The following ZMYM4 variants were observed in gnomAD, a reference collection of about 807,000 sequenced individuals.
ZMYM4 encodes zinc finger MYM-type containing 4.
In ZMYM4, 31 loss-of-function variants were observed where a neutral mutation model predicts 183.2. That is an observed-to-expected ratio of 0.17 (90% CI 0.13 to 0.23). ZMYM4 has a LOEUF of 0.23. Among genes scored for constraint, ZMYM4 ranks in the 10% least tolerant of loss-of-function variants. ZMYM4 has a pLI of 1.00. For missense variants in ZMYM4, 1,273 were observed against 1,840.3 expected (o/e 0.69, Z 5.64); for synonymous variants, 592 against 631.2 (o/e 0.94, Z 0.93).
At chr1:35,341,913 T>C (rs879569484) in intron 2 of ZMYM4, among the ~76,000 whole-genome samples, 11 of 152,186 alleles carry the variant, frequency 7.2e-5, no homozygotes, top group Non-Finnish European at 1.3e-4. Context: ...ATAATATTCA[T>C]ATTTATATAT....
At position 35,269,031 on chromosome 1, in the gene ZMYM4, C is replaced by T. The variant is rs1639451321; in HGVS notation, c.-16C>T. 5 of 1,540,274 alleles carry T rather than the reference C, an allele frequency of 3.2e-6. No homozygotes were observed. The highest frequency in any genetic ancestry group is 3.5e-6 in the Non-Finnish European group (4 of 1,143,162). ...CACCGCGCGGGGAGCCGCAGCGGTT[C>T]CGAGCGGGGCCCAACATGGCGGAGA... On this transcript the variant is annotated 5_prime_UTR_variant, in exon 1 of 30. Coordinates refer to ENST00000314607, the MANE Select transcript of ZMYM4 (RefSeq NM_005095.3).
intron 2 of ZMYM4, among the ~76,000 whole-genome samples, chr1:35,332,205 A>G (rs557487421): frequency 6.6e-6 from 1 of 152,242 alleles, no homozygotes; most frequent in East Asian, 1.9e-4. Flanking sequence ...TGACATTGTT[A>G]ATCACTAGTG....
intron 7 of ZMYM4, among the ~76,000 whole-genome samples, chr1:35,374,052 CAA>C (rs1280505244): frequency 3.2e-5 from 2 of 62,270 alleles, no homozygotes; most frequent in African/African-American, 1.4e-4. Context: ...TTTTTTGAGA[CAA>C]GAGTTTTGCT....
intron 1 of ZMYM4, among the ~76,000 whole-genome samples, chr1:35,299,966 C>T (rs1231452603): frequency 6.6e-6 from 1 of 151,718 alleles, no homozygotes; most frequent in Non-Finnish European, 1.5e-5. Context: ...GGCTATTTTT[C>T]TTGTATTTTT....
intron 2 of ZMYM4, among the ~76,000 whole-genome samples, chr1:35,352,386 G>GCGCACACACACACACACA (rs1231646476): frequency 7.8e-6 from 1 of 128,394 alleles, no homozygotes; most frequent in African/African-American, 3.0e-5. Flanking sequence ...AAAAATTAGC[G>GCGCACACACACACACACA]CACACACACA....
rs1644461102 is a variant in ZMYM4, at chr1:35,381,671, C to T, written c.1482C>T (p.Tyr494=). ...NCCENCGGYC[Y]SGSGQCHMLQ... is the part of the protein sequence containing the mutation. ...GTGAGAACTGTGGGGGTTACTGTTA[C>T]AGTGGGTCGGGACAATGCCACATGC... Residue 494 remains tyrosine (Y), a synonymous_variant, in exon 9 of 30, where the codon TAC becomes TAT. Coordinates refer to ENST00000314607, the MANE Select transcript of ZMYM4 (RefSeq NM_005095.3). The T allele has an allele frequency of 5.0e-6, 8 of 1,614,226 alleles. No homozygotes were observed. The highest frequency in any genetic ancestry group is 6.8e-6 in the Non-Finnish European group (8 of 1,180,046).
chr1:35,315,855 G>C (rs1642020459), intron 1 of ZMYM4, among the ~76,000 whole-genome samples: 1 of 152,128 alleles, frequency 6.6e-6, no homozygotes, highest in African/African-American at 2.4e-5. Context: ...GCGCCCAGGA[G>C]TTCAAGGCTG....
At chr1:35,318,822 G>A (rs560898224) in intron 1 of ZMYM4, among the ~76,000 whole-genome samples, 9 of 152,138 alleles carry the variant, frequency 5.9e-5, no homozygotes, top group Admixed American at 1.3e-4. Flanking sequence ...AAATTATAAC[G>A]TAGTAAGCAA....
intron 26 of ZMYM4, among the ~76,000 whole-genome samples, chr1:35,411,964 G>C (rs1265457101): frequency 6.6e-6 from 1 of 151,938 alleles, no homozygotes; most frequent in Non-Finnish European, 1.5e-5. Context: ...CTCACTGCAA[G>C]CTCCGCCTCC....
chr1:35,417,203 C>T (rs1640151574), intron 28 of ZMYM4, among the ~76,000 whole-genome samples: 1 of 149,022 alleles, frequency 6.7e-6, no homozygotes, highest in African/African-American at 2.5e-5. Context: ...AGTCACTGCA[C>T]TCTAGCCTGG....
intron 1 of ZMYM4, among the ~76,000 whole-genome samples, chr1:35,277,806 G>A (rs1454408508): frequency 2.0e-5 from 3 of 151,744 alleles, no homozygotes; most frequent in South Asian, 2.1e-4. Context: ...ATTGATGCCC[G>A]CCCTCACAAC....
rs922663197 is a variant in ZMYM4, at chr1:35,417,914, A to C, written c.4310-529A>C. On this transcript the variant is annotated intron_variant, in intron 28 of 29. Coordinates refer to ENST00000314607, the MANE Select transcript of ZMYM4 (RefSeq NM_005095.3). ...GTAATCCCAGCTACTTGGGAGGCTG[A>C]GGCAGGAGAATCCTTGAACCTGGGT... is the stretch of plus-strand genomic sequence containing the variant. 2.0e-5 allele frequency among the ~76,000 whole-genome samples: 3 copies of C among 152,160 alleles called. No individual in the cohort carries two copies. The Middle Eastern group carries it at 0.01, about 518-fold the overall frequency.
At chr1:35,409,706 C>A (rs1396518162) in intron 26 of ZMYM4, among the ~76,000 whole-genome samples, 2 of 151,960 alleles carry the variant, frequency 1.3e-5, no homozygotes, top group East Asian at 3.9e-4. Flanking sequence ...CTTTGGGAGG[C>A]CGAGGCAGGC....
chr1:35,314,523 G>T (rs899411627), intron 1 of ZMYM4, among the ~76,000 whole-genome samples: 1 of 151,366 alleles, frequency 6.6e-6, no homozygotes, highest in Non-Finnish European at 1.5e-5. Flanking sequence ...GACCTCAAGT[G>T]ATCCACCTGC....
intron 28 of ZMYM4, among the ~76,000 whole-genome samples, chr1:35,415,978 T>C (rs1640098304): frequency 6.6e-6 from 1 of 152,230 alleles, no homozygotes; most frequent in South Asian, 2.1e-4. Context: ...ATTTTAAAAC[T>C]TCTCAGGAAA....
chr1:35,393,465 G>T, intron 17 of ZMYM4, 130 bp from the exon 18 acceptor site: 1 of 767,888 alleles, frequency 1.3e-6, no homozygotes, highest in Non-Finnish European at 2.0e-6. Context: ...TTATACATTT[G>T]GTTGAATATT....
intron 2 of ZMYM4, chr1:35,350,913 T>C (rs867689338): frequency 9.5e-5 from 61 of 641,938 alleles, no homozygotes; most frequent in African/African-American, 9.2e-4. Context: ...TCAGATTGCT[T>C]ATGCCCTTAT....
In ZMYM4 at chr1:35,413,964, T is replaced by C. The variant is rs746721275; in HGVS notation, c.3949-8T>C. 1 of 1,406,982 alleles carries C rather than the reference T, an allele frequency of 7.1e-7. No homozygotes were observed. The highest frequency in any genetic ancestry group is 1.3e-5 in the South Asian group (1 of 77,094). The allele number at this position is 1,406,982 out of a possible 1,614,324, so 87.2% of individuals were successfully genotyped here. On this transcript the variant is annotated splice_region_variant and splice_polypyrimidine_tract_variant and intron_variant, in intron 26 of 29. Transcript: ENST00000314607. Reference sequence around the variant, plus strand: ...CAACATGTATATTTTCTTTTTTTTTTCTTGTAGTACCTGTTTGAAAATGGT... The same window carrying C: ...CAACATGTATATTTTCTTTTTTTTTCCTTGTAGTACCTGTTTGAAAATGGT...
Position 35,410,042 on chromosome 1 carries a change from T to A in ZMYM4, c.3948+1883T>A, listed in dbSNP as rs1013776811. On this transcript the variant is annotated intron_variant, in intron 26 of 29. Coordinates refer to ENST00000314607, the MANE Select transcript of ZMYM4 (RefSeq NM_005095.3). ...CTTCTGGTGAGCGCTTCAGGAAGCT[T>A]CCAATCACGGCATCATATGATCATG... Among the ~76,000 whole-genome samples, 3 of 151,998 alleles carry A rather than the reference T, an allele frequency of 2.0e-5. No individual in the cohort carries two copies. The East Asian group carries it at 5.8e-4, about 29-fold the overall frequency.
Sources: gnomAD v4.1 joint callset for allele counts (sites outside exome capture counted in the v4.1 genomes callset) on GRCh38, gnomAD v4.1.1 for gene constraint, MANE v1.5 for transcripts, NCBI Gene and HGNC (gene_info 2026-07-23, HGNC 2026-07-21) for gene names.